JAK1: variants seen among roughly 807,000 people sequenced by gnomAD.
JAK1 encodes tyrosine-protein kinase JAK1.
Under a neutral mutation model 136.6 loss-of-function variants are expected in JAK1, and 16 were observed. The ratio of observed to expected loss-of-function variants is 0.12; its 90% CI spans 0.08 to 0.18. The LOEUF (loss-of-function observed/expected upper bound fraction) is 0.18, where lower values mean the gene tolerates loss of function less well. Among genes scored for constraint, JAK1 ranks in the 10% least tolerant of loss-of-function variants. JAK1 has a pLI of 1.00. For synonymous variants in JAK1, 492 were observed against 519.5 expected (o/e 0.95, Z 0.72); for missense variants, 859 against 1,450.1 (o/e 0.59, Z 6.62).
At chr1:64,877,136 C>T (rs1349779991) in intron 4 of JAK1, among the ~76,000 whole-genome samples, 1 of 152,168 alleles carries the variant, frequency 6.6e-6, no homozygotes, top group African/African-American at 2.4e-5. Context: ...GATTACCCAA[C>T]AACTATCAAA....
chr1:64,872,920 GT>G (rs964826688), intron 5 of JAK1, among the ~76,000 whole-genome samples: 8 of 151,812 alleles, frequency 5.3e-5, no homozygotes, highest in East Asian at 3.9e-4. Context: ...CTTCTCTTTT[GT>G]TTTTTTTCTA....
intron 1 of JAK1, among the ~76,000 whole-genome samples, chr1:65,053,904 G>A (rs1387711754): frequency 6.6e-6 from 1 of 152,184 alleles, no homozygotes; most frequent in Admixed American, 6.5e-5. Flanking sequence ...AATGTACTAG[G>A]CATAGCAAAA....
intron 1 of JAK1, among the ~76,000 whole-genome samples, chr1:64,914,312 T>C (rs758673219): frequency 2.0e-5 from 3 of 152,184 alleles, no homozygotes; most frequent in Non-Finnish European, 2.9e-5. Context: ...GAGGGAACAA[T>C]TTTAATATAA....
chr1:64,903,637 C>A (rs1645146224), intron 1 of JAK1, among the ~76,000 whole-genome samples: 1 of 152,342 alleles, frequency 6.6e-6, no homozygotes, highest in Middle Eastern at 3.4e-3. Flanking sequence ...GTCTCTAAAT[C>A]TCTGAGCCTT....
At chr1:64,892,577 AC>A (rs1644955400) in intron 1 of JAK1, among the ~76,000 whole-genome samples, 1 of 152,166 alleles carries the variant, frequency 6.6e-6, no homozygotes. Context: ...GAACCAACTC[AC>A]CCAGGCACAA....
intron 2 of JAK1, among the ~76,000 whole-genome samples, chr1:65,000,926 G>A (rs1646750080): frequency 6.6e-6 from 1 of 151,918 alleles, no homozygotes; most frequent in African/African-American, 2.4e-5. Context: ...CTGTGGCCCA[G>A]GCTGGAGTGC....
At chr1:64,995,515 GT>G (rs1207815927) in intron 2 of JAK1, among the ~76,000 whole-genome samples, 6 of 152,052 alleles carry the variant, frequency 3.9e-5, no homozygotes, top group African/African-American at 7.2e-5. Context: ...CACGTTTTTT[GT>G]TTGTTTGTTT....
intron 3 of JAK1, among the ~76,000 whole-genome samples, chr1:64,879,949 G>A (rs1403601013): frequency 6.6e-6 from 1 of 152,138 alleles, no homozygotes; most frequent in Non-Finnish European, 1.5e-5. Context: ...CAGGTTGGGG[G>A]GAGAATGACT....
intron 1 of JAK1, among the ~76,000 whole-genome samples, chr1:64,945,464 T>A (rs1645967199): frequency 6.6e-6 from 1 of 151,992 alleles, no homozygotes; most frequent in Admixed American, 6.5e-5. Context: ...GTTAAATAAG[T>A]CATGGTCTAT....
chr1:64,864,885 G>T lies in JAK1; in HGVS notation c.1078C>A (p.Arg360=). 1 of 1,613,586 alleles carries T rather than the reference G, an allele frequency of 6.2e-7. No homozygotes were observed. Among genetic ancestry groups the T allele is most frequent in the South Asian group, 1.1e-5 (1 of 91,050 alleles). Residue 360 remains arginine, a synonymous_variant, in exon 8 of 25, where the codon CGG becomes AGG. Transcript: ENST00000342505. The part of the protein sequence containing the change: ...HKKDEEKNKI[R]EEWNNFSYFP... ...TAAGAAAAATTGTTCCACTCTTCCCGGATCTTGTTTTTCTCCTCATCCTTC... is the reference window on the plus strand; with the variant it reads ...TAAGAAAAATTGTTCCACTCTTCCCTGATCTTGTTTTTCTCCTCATCCTTC...
chr1:65,054,824 T>C (rs1647457889), intron 1 of JAK1, among the ~76,000 whole-genome samples: 1 of 152,190 alleles, frequency 6.6e-6, no homozygotes, highest in Non-Finnish European at 1.5e-5. Flanking sequence ...TATGCTATGT[T>C]GGAAACCCTG....
At chr1:64,943,284 G>C (rs1362888250) in intron 1 of JAK1, among the ~76,000 whole-genome samples, 1 of 152,114 alleles carries the variant, frequency 6.6e-6, no homozygotes, top group Non-Finnish European at 1.5e-5. Context: ...TGGTGGTCAG[G>C]TGTGAATCCC....
chr1:65,059,369 A>G (rs1216153404), intron 1 of JAK1, among the ~76,000 whole-genome samples: 4 of 152,222 alleles, frequency 2.6e-5, no homozygotes, highest in African/African-American at 7.2e-5. Context: ...GAGATCATGA[A>G]GCAGAAGCTA....
intron 1 of JAK1, among the ~76,000 whole-genome samples, chr1:64,941,605 G>A (rs552595739): frequency 6.6e-6 from 1 of 152,304 alleles, no homozygotes; most frequent in Admixed American, 6.5e-5. Context: ...AGAAACTGGG[G>A]ATGGAAAGGG....
Position 64,883,388 on chromosome 1 carries a change from G to A in JAK1, c.94C>T (p.Pro32Ser). ...AAGATCACTTCCACCCCTGGCTCAG[G>A]GGCCTCCAGGTTCACCTCAGTCTTC... ...SKKTEVNLEA[P>S]EPGVEVIFYL... Residue 32 changes from proline to serine, a missense_variant, in exon 3 of 25, where the codon CCT (proline) becomes TCT (serine). Around this residue, in one of 4 missense-constraint regions of JAK1, gnomAD observed 353 missense variants for 494.0 expected, o/e 0.71. Transcript: ENST00000342505. The A allele has an allele frequency of 1.9e-6, 3 of 1,614,120 alleles. No individual in the cohort carries two copies. The highest frequency in any genetic ancestry group is 2.2e-5 in the East Asian group (1 of 44,880).
intron 1 of JAK1, among the ~76,000 whole-genome samples, chr1:64,941,552 A>G (rs951212422): frequency 2.0e-5 from 3 of 152,226 alleles, no homozygotes; most frequent in African/African-American, 7.2e-5. Context: ...CCATGGTTAG[A>G]ATAAAAAAAC....
chr1:64,878,882 T>C (rs553083232), intron 4 of JAK1, 143 bp downstream of exon 4: 5 of 699,206 alleles, frequency 7.2e-6, no homozygotes, highest in Admixed American at 7.1e-5. Context: ...GAAGAAGTCC[T>C]TTCTCACATC....
At chr1:65,018,733 G>C (rs1646911966) in intron 2 of JAK1, among the ~76,000 whole-genome samples, 1 of 152,114 alleles carries the variant, frequency 6.6e-6, no homozygotes, top group Non-Finnish European at 1.5e-5. Context: ...AATAAAGGCC[G>C]GGCCCGGCGG....
intron 1 of JAK1, among the ~76,000 whole-genome samples, chr1:64,934,606 G>C (rs1422376589): frequency 6.6e-6 from 1 of 152,214 alleles, no homozygotes; most frequent in African/African-American, 2.4e-5. Flanking sequence ...CCAAGGCTCT[G>C]TCTGCCTGCA....
Sources: gnomAD v4.1 joint callset for allele counts (sites outside exome capture counted in the v4.1 genomes callset) on GRCh38, gnomAD v4.1.1 for gene constraint, gnomAD v4.1.1 regional missense constraint, MANE v1.5 for transcripts, NCBI Gene and HGNC (gene_info 2026-07-23, HGNC 2026-07-21) for gene names.